EFR3B: variants seen among roughly 807,000 people sequenced by gnomAD.
The protein encoded by EFR3B is protein EFR3 homolog B.
In EFR3B, 64 loss-of-function variants were observed where a neutral mutation model predicts 104.7. The ratio of observed to expected loss-of-function variants is 0.61; its 90% CI spans 0.50 to 0.75. The LOEUF (loss-of-function observed/expected upper bound fraction) is 0.75, where lower values mean the gene tolerates loss of function less well. Ranked by LOEUF, EFR3B falls within the 30% of genes least tolerant of loss-of-function variation. The pLI is 0.00. For synonymous variants in EFR3B, 385 were observed against 417.9 expected (o/e 0.92, Z 0.96); for missense variants, 750 against 1,078.5 (o/e 0.70, Z 4.27).
intron 17 of EFR3B, among the ~76,000 whole-genome samples, chr2:25,142,115 A>G (rs1403967242): frequency 6.6e-6 from 1 of 152,122 alleles, no homozygotes; most frequent in Non-Finnish European, 1.5e-5. Context: ...CATGGGCCGC[A>G]AAGCAAGAAC....
At chr2:25,063,833 T>G (rs1668261222) in intron 1 of EFR3B, among the ~76,000 whole-genome samples, 1 of 152,180 alleles carries the variant, frequency 6.6e-6, no homozygotes, top group African/African-American at 2.4e-5. Flanking sequence ...GGTTCTCCAC[T>G]CCTCATTTAG....
At chr2:25,132,466 C>T (rs1670372835) in intron 10 of EFR3B, among the ~76,000 whole-genome samples, 1 of 152,184 alleles carries the variant, frequency 6.6e-6, no homozygotes, top group African/African-American at 2.4e-5. Flanking sequence ...GCCATGTGAG[C>T]TTCCCTTCAG....
chr2:25,154,134 G>A lies in EFR3B; in HGVS notation c.2349-101G>A, dbSNP rs1159699716. 3 of 1,057,286 alleles carry A rather than the reference G, an allele frequency of 2.8e-6. No individual in the cohort carries two copies. The African/African-American group carries it at 4.8e-5, about 17-fold the overall frequency. The allele number at this position is 1,057,286 out of a possible 1,614,324, so 65.5% of individuals were successfully genotyped here. A position where few individuals can be genotyped will look rare whatever the true frequency, so the allele number is the denominator to read the frequency against. ...GAATGAAGGGGTCTCTGGTGCCTGTGCAAAAAGAAACCCAAGTCACCTACT... is the reference window on the plus strand; with the variant it reads ...GAATGAAGGGGTCTCTGGTGCCTGTACAAAAAGAAACCCAAGTCACCTACT... On this transcript the variant is annotated intron_variant, in intron 22 of 22. Coordinates refer to ENST00000403714, the MANE Select transcript of EFR3B (RefSeq NM_014971.2). This position sits in a 1 kb window ranked among gnomAD's most constrained non-coding sequence, Gnocchi z 4.1.
intron 19 of EFR3B, among the ~76,000 whole-genome samples, chr2:25,148,397 G>A (rs1039733179): frequency 1.6e-4 from 25 of 151,774 alleles, no homozygotes; most frequent in African/African-American, 2.4e-4. Flanking sequence ...TGGGATTACC[G>A]GCACGCGCCA....
In EFR3B at chr2:25,062,064, C is replaced by T. The variant is rs114567263; in HGVS notation, c.7+19745C>T. Among the ~76,000 whole-genome samples, 393 of 152,182 alleles carry T rather than the reference C, an allele frequency of 2.6e-3. 4 individuals carry two copies. Among genetic ancestry groups the T allele is most frequent in the African/African-American group, 9.1e-3 (379 of 41,522 alleles). Reference sequence around the variant, plus strand: ...AAAACATTTTGTATTTTCTACACTTCGTGTAGTGAGTGCGTATTTTTAATT... The same window carrying T: ...AAAACATTTTGTATTTTCTACACTTTGTGTAGTGAGTGCGTATTTTTAATT... On this transcript the variant is annotated intron_variant, in intron 1 of 22. Coordinates refer to ENST00000403714, the MANE Select transcript of EFR3B (RefSeq NM_014971.2).
intron 1 of EFR3B, chr2:25,080,282 GCTTTTTTT>G: frequency 5.6e-6 from 1 of 177,036 alleles, no homozygotes; most frequent in Non-Finnish European, 9.9e-6. Context: ...CCTCCCCAAA[GCTTTTTTT>G]TTTTTTTTTT....
chr2:25,078,905 G>A (rs1001708743), intron 1 of EFR3B, among the ~76,000 whole-genome samples: 2 of 152,044 alleles, frequency 1.3e-5, no homozygotes, highest in Non-Finnish European at 2.9e-5. Flanking sequence ...GCTTGTGGCC[G>A]GTCCCTGTCA....
chr2:25,110,161 G>A (rs1669685672), intron 4 of EFR3B, among the ~76,000 whole-genome samples: 1 of 151,976 alleles, frequency 6.6e-6, no homozygotes. Context: ...TTCGTTCCAA[G>A]CTCCAGCTCT....
At chr2:25,113,509 A>C (rs571591945) in intron 4 of EFR3B, among the ~76,000 whole-genome samples, 27 of 152,172 alleles carry the variant, frequency 1.8e-4, no homozygotes, top group Middle Eastern at 6.8e-3. Context: ...TCTACTAAAA[A>C]TACAAAAAAT....
chr2:25,144,590 C>A (rs944492403), intron 18 of EFR3B, among the ~76,000 whole-genome samples: 3 of 151,174 alleles, frequency 2.0e-5, no homozygotes, highest in African/African-American at 7.3e-5. Context: ...AGAGGGCTGG[C>A]ATGATAAGGT....
chr2:25,121,968 T>TG (rs1293703830), intron 5 of EFR3B, among the ~76,000 whole-genome samples, 174 bp downstream of exon 5: 1 of 151,732 alleles, frequency 6.6e-6, no homozygotes, highest in African/African-American at 2.4e-5. Flanking sequence ...GTTTCTGTTT[T>TG]TTTTTTTTTT....
intron 1 of EFR3B, among the ~76,000 whole-genome samples, chr2:25,084,362 G>A (rs1328752614): frequency 4.6e-5 from 7 of 151,966 alleles, no homozygotes; most frequent in African/African-American, 1.2e-4. Context: ...TCCGCCTCCC[G>A]AATAGCTGGG....
chr2:25,045,160 A>G (rs1573156790), intron 1 of EFR3B, among the ~76,000 whole-genome samples: 1 of 151,824 alleles, frequency 6.6e-6, no homozygotes, highest in East Asian at 1.9e-4. Context: ...CTCTCTGCCA[A>G]CTCGGGCACA....
In EFR3B at chr2:25,046,917, T is replaced by C. The variant is rs561752063; in HGVS notation, c.7+4598T>C. On this transcript the variant is annotated intron_variant, in intron 1 of 22. Transcript: ENST00000403714. ...ACATAAACCAGCCTCCTCCCCCAGATCCTAAGGTTTCTGCAGCCCCATGAT... is the reference window on the plus strand; with the variant it reads ...ACATAAACCAGCCTCCTCCCCCAGACCCTAAGGTTTCTGCAGCCCCATGAT... Among the ~76,000 whole-genome samples the C allele has an allele frequency of 3.3e-5, 5 of 152,234 alleles. No homozygotes were observed. In the South Asian group the frequency reaches 8.3e-4, roughly 25 times the overall value.
intron 4 of EFR3B, among the ~76,000 whole-genome samples, chr2:25,113,100 T>C (rs753603320): frequency 6.6e-5 from 10 of 152,166 alleles, no homozygotes; most frequent in Non-Finnish European, 1.0e-4. Context: ...TTGTTGTATA[T>C]AAAAAGCTGA....
At position 25,046,506 on chromosome 2, in the gene EFR3B, C is replaced by CT. The variant is rs531667109; in HGVS notation, c.7+4203dup. ...GCAGGCTCCCCCTGAAGTACAAAGT[C>CT]TTTTTTTTTTTTTTTTGAGACGGAG... On this transcript the variant is annotated intron_variant, in intron 1 of 22. Transcript: ENST00000403714. Among the ~76,000 whole-genome samples the CT allele has an allele frequency of 2.4e-3, 289 of 119,094 alleles. 10 individuals are homozygous for CT. The highest frequency in any genetic ancestry group is 6.8e-3 in the African/African-American group (241 of 35,506). The allele number at this position is 119,094 out of a possible 152,430, so 78.1% of individuals were successfully genotyped here. A position where few individuals can be genotyped will look rare whatever the true frequency, so the allele number is the denominator to read the frequency against.
At chr2:25,133,493 G>A (rs1670439376) in intron 12 of EFR3B, 59 bp downstream of exon 12, 2 of 1,530,556 alleles carry the variant, frequency 1.3e-6, no homozygotes, top group African/African-American at 1.4e-5. Context: ...TCCTTCCAAG[G>A]GACCAAGTGA....
intron 6 of EFR3B, among the ~76,000 whole-genome samples, chr2:25,129,337 CG>C (rs1670261670): frequency 3.3e-4 from 3 of 9,106 alleles, no homozygotes; most frequent in East Asian, 3.2e-3. Context: ...GGGGCGGGGG[CG>C]GGGGCGGGGG....
In EFR3B at chr2:25,137,789, C is replaced by T. The variant is rs573541800; in HGVS notation, c.1722+287C>T. Among the ~76,000 whole-genome samples, 5 of 152,296 alleles carry T rather than the reference C, an allele frequency of 3.3e-5. No homozygotes were observed. The highest frequency in any genetic ancestry group is 1.9e-4 in the East Asian group (1 of 5,176). ...CTTAGCTACTACATGTCAAGTCTCT[C>T]GCAGAGTCTGAGTGAGACTCCAGGG... On this transcript the variant is annotated intron_variant, in intron 15 of 22. Transcript: ENST00000403714. This position sits in a 1 kb window ranked among gnomAD's most constrained non-coding sequence, Gnocchi z 4.7.
Sources: allele counts gnomAD v4.1 joint callset (sites outside exome capture counted in the v4.1 genomes callset), GRCh38; gene constraint gnomAD v4.1.1; non-coding constraint Gnocchi (gnomAD v3.1); transcripts MANE v1.5; gene names NCBI Gene and HGNC (gene_info 2026-07-23, HGNC 2026-07-21).